The following AKAP6 variants were observed in gnomAD, a reference collection of about 807,000 sequenced individuals.
AKAP6 encodes the protein A-kinase anchoring protein 6, also known as A-kinase anchor protein 6.
AKAP6 carries 58 observed loss-of-function variants against 188.5 expected under a neutral mutation model. The ratio of observed to expected loss-of-function variants is 0.31; its 90% CI spans 0.25 to 0.38. The LOEUF is 0.38. AKAP6 is among the 10% of genes least tolerant of loss of function. The probability of loss-of-function intolerance (pLI) is 1.00; values close to 1 mark genes in which losing one functional copy is unlikely to be tolerated. For missense variants in AKAP6, 2,710 were observed against 2,740.0 expected (o/e 0.99, Z 0.24); for synonymous variants, 989 against 998.6 (o/e 0.99, Z 0.18).
At chr14:32,622,636 G>A (rs1305850033) in intron 7 of AKAP6, among the ~76,000 whole-genome samples, 1 of 152,008 alleles carries the variant, frequency 6.6e-6, no homozygotes, top group Non-Finnish European at 1.5e-5. Flanking sequence ...TATCGGAGTT[G>A]GTTGCTAAGA....
chr14:32,496,375 T>A (rs546954982), intron 2 of AKAP6, among the ~76,000 whole-genome samples: 1 of 152,158 alleles, frequency 6.6e-6, no homozygotes, highest in Admixed American at 6.6e-5. Flanking sequence ...TTTTATGATC[T>A]TGAAGTATAC....
chr14:32,723,482 T>C (rs2030664334), intron 9 of AKAP6, among the ~76,000 whole-genome samples: 1 of 152,110 alleles, frequency 6.6e-6, no homozygotes, highest in South Asian at 2.1e-4. Flanking sequence ...TTGATCTGTG[T>C]AGTGTTAAAA....
Position 32,577,203 on chromosome 14 carries a change from A to G in AKAP6, c.2430A>G (p.Ala810=). 1.9e-6 allele frequency: 3 copies of G among 1,612,656 alleles called. No individual in the cohort carries two copies. The East Asian group carries it at 6.7e-5, about 36-fold the overall frequency. The stretch of plus-strand genomic sequence containing the variant: ...CAGAAAATTGGACTCCCCCTAAAGC[A>G]GAGATGGATGACCTTAAACTGTATC... The part of the protein sequence containing the change: ...ETTENWTPPK[A]EMDDLKLYLE... Residue 810 remains alanine, a synonymous_variant, in exon 5 of 14, where the codon GCA becomes GCG. Coordinates refer to ENST00000280979, the MANE Select transcript of AKAP6 (RefSeq NM_004274.5).
chr14:32,707,964 A>G (rs1890883301), intron 9 of AKAP6, among the ~76,000 whole-genome samples: 1 of 152,042 alleles, frequency 6.6e-6, no homozygotes, highest in Non-Finnish European at 1.5e-5. Context: ...AAAGACACCC[A>G]TGTCTGAGAC....
At chr14:32,400,265 G>T (rs1207662411) in intron 1 of AKAP6, among the ~76,000 whole-genome samples, 3 of 151,320 alleles carry the variant, frequency 2.0e-5, no homozygotes, top group Admixed American at 2.0e-4. Flanking sequence ...GTTTTCAGAG[G>T]ATATAGACCT....
chr14:32,497,493 A>C (rs766740318), intron 2 of AKAP6, among the ~76,000 whole-genome samples: 70 of 152,228 alleles, frequency 4.6e-4, no homozygotes, highest in Non-Finnish European at 7.9e-4. Flanking sequence ...TTTAAAATTT[A>C]TTGAGACTCA....
intron 7 of AKAP6, among the ~76,000 whole-genome samples, chr14:32,605,901 G>C (rs1886108857): frequency 1.3e-5 from 2 of 152,110 alleles, no homozygotes; most frequent in South Asian, 2.1e-4. Flanking sequence ...GAAAATCTAA[G>C]GAATATATCT....
At chr14:32,476,162 A>G (rs534657965) in intron 2 of AKAP6, among the ~76,000 whole-genome samples, 1 of 152,242 alleles carries the variant, frequency 6.6e-6, no homozygotes, top group African/African-American at 2.4e-5. Flanking sequence ...CCTTATATTT[A>G]TCAATTCAAC....
At chr14:32,697,990 A>G (rs1890472004) in intron 9 of AKAP6, among the ~76,000 whole-genome samples, 2 of 152,148 alleles carry the variant, frequency 1.3e-5, no homozygotes, top group African/African-American at 4.8e-5. Context: ...TGCTTAACAT[A>G]GCTCTGCTCA....
chr14:32,654,276 T>C (rs1888355787), intron 7 of AKAP6, among the ~76,000 whole-genome samples: 1 of 152,138 alleles, frequency 6.6e-6, no homozygotes, highest in South Asian at 2.1e-4. Context: ...CTCTGAAGCC[T>C]GCACCACTGA....
intron 2 of AKAP6, among the ~76,000 whole-genome samples, chr14:32,497,301 G>C (rs1221076319): frequency 6.6e-6 from 1 of 152,070 alleles, no homozygotes; most frequent in Non-Finnish European, 1.5e-5. Flanking sequence ...CTTTTAGTGA[G>C]AATCTCATGT....
chr14:32,588,874 C>T (rs941398762), intron 5 of AKAP6, among the ~76,000 whole-genome samples: 3 of 152,172 alleles, frequency 2.0e-5, no homozygotes, highest in Admixed American at 6.5e-5. Flanking sequence ...AAACAGCTTT[C>T]GTTTGTCTCA....
intron 2 of AKAP6, among the ~76,000 whole-genome samples, chr14:32,436,569 C>T (rs1216099575): frequency 6.6e-6 from 1 of 152,214 alleles, no homozygotes; most frequent in East Asian, 1.9e-4. Flanking sequence ...ACTTTTAGAA[C>T]TTTCTAACTA....
At chr14:32,502,553 C>T (rs946621602) in intron 2 of AKAP6, among the ~76,000 whole-genome samples, 2 of 152,146 alleles carry the variant, frequency 1.3e-5, no homozygotes, top group African/African-American at 4.8e-5. Context: ...TACTCCAATG[C>T]AGAGAGCTGG....
intron 1 of AKAP6, among the ~76,000 whole-genome samples, chr14:32,412,540 A>G (rs991054123): frequency 1.3e-5 from 2 of 152,220 alleles, no homozygotes; most frequent in African/African-American, 4.8e-5. Flanking sequence ...TGGCAAGGCT[A>G]TGTATACAAA....
intron 11 of AKAP6, among the ~76,000 whole-genome samples, chr14:32,761,373 C>A (rs28417279): frequency 2.6e-5 from 4 of 152,032 alleles, no homozygotes; most frequent in Non-Finnish European, 5.9e-5. Flanking sequence ...CTTTTCCTAG[C>A]GTTTATACTT....
chr14:32,361,031 G>C (rs2138486330), intron 1 of AKAP6, among the ~76,000 whole-genome samples: 1 of 136,244 alleles, frequency 7.3e-6, no homozygotes, highest in South Asian at 2.5e-4. Context: ...TTATAGGTGT[G>C]AGCCACTGCA....
intron 5 of AKAP6, among the ~76,000 whole-genome samples, chr14:32,593,870 T>C (rs1402976561): frequency 6.6e-6 from 1 of 152,130 alleles, no homozygotes; most frequent in Non-Finnish European, 1.5e-5. Flanking sequence ...TGGGGGGTCC[T>C]CTGTGGGAAG....
chr14:32,522,513 C>T (rs1881896380), intron 2 of AKAP6, among the ~76,000 whole-genome samples: 2 of 152,072 alleles, frequency 1.3e-5, no homozygotes, highest in Non-Finnish European at 2.9e-5. Context: ...ACAACCCCAA[C>T]AAAAAGTGGG....
Sources: gnomAD v4.1 joint callset for allele counts (sites outside exome capture counted in the v4.1 genomes callset) on GRCh38, gnomAD v4.1.1 for gene constraint, MANE v1.5 for transcripts, NCBI Gene and HGNC (gene_info 2026-07-23, HGNC 2026-07-21) for gene names.